The following SRGAP1 variants were observed in gnomAD, a reference collection of about 807,000 sequenced individuals.
SRGAP1 encodes the protein SLIT-ROBO Rho GTPase-activating protein 1.
In SRGAP1, 43 loss-of-function variants were observed where a neutral mutation model predicts 121.9. That is an observed-to-expected ratio of 0.35 (90% CI 0.28 to 0.46). The LOEUF (loss-of-function observed/expected upper bound fraction) is 0.46. SRGAP1 is among the 20% of genes least tolerant of loss of function. The pLI, the probability that SRGAP1 is intolerant of heterozygous loss-of-function variation, is 1.00. For synonymous variants in SRGAP1, 447 were observed against 485.4 expected (o/e 0.92, Z 1.04); for missense variants, 1,102 against 1,350.9 (o/e 0.82, Z 2.89).
rs372859165 is a variant in SRGAP1, at chr12:64,065,124, C to G, written c.1030C>G (p.Gln344Glu). 1.2e-5 allele frequency: 19 copies of G among 1,612,244 alleles called. No homozygotes were observed. In the African/African-American group the frequency reaches 2.3e-4, roughly 19 times the overall value. Residue 344 changes from glutamine to glutamate, a missense_variant, in exon 8 of 22, where the codon CAG becomes GAG. Physicochemically the swap from Gln to Glu is conservative, Grantham distance 29. Transcript: ENST00000355086. ...GTTTCTCATTCTCCATCAGGTGTGC[C>G]AGGTCAGTGCCCAGCAGCCAGTCCA... is the stretch of plus-strand genomic sequence containing the variant. ...FQSHMGDEVC[Q>E]VSAQQPVQAE... is the part of the protein sequence containing the mutation.
chr12:64,097,549 G>T, intron 15 of SRGAP1, 174 bp downstream of exon 15: 1 of 657,786 alleles, frequency 1.5e-6, no homozygotes, highest in Non-Finnish European at 2.4e-6. Flanking sequence ...TCCCAGCTGT[G>T]GCCTCACCCT....
intron 1 of SRGAP1, among the ~76,000 whole-genome samples, chr12:63,958,751 T>C (rs2032549056): frequency 6.6e-6 from 1 of 152,234 alleles, no homozygotes; most frequent in African/African-American, 2.4e-5. Context: ...GAATTGAAAT[T>C]AAGTCCTAAA....
At chr12:63,948,181 G>A (rs895529258) in intron 1 of SRGAP1, among the ~76,000 whole-genome samples, 1 of 152,058 alleles carries the variant, frequency 6.6e-6, no homozygotes. Context: ...AGCAACAGTG[G>A]AAAAGACCTG....
chr12:63,968,805 A>G (rs2032853450), intron 1 of SRGAP1, among the ~76,000 whole-genome samples: 1 of 152,248 alleles, frequency 6.6e-6, no homozygotes, highest in South Asian at 2.1e-4. Context: ...GCCCTAGTCT[A>G]GGAGACTGGG....
intron 5 of SRGAP1, 69 bp downstream of exon 5, chr12:64,043,041 T>C (rs1274255709): frequency 2.9e-6 from 3 of 1,029,620 alleles, no homozygotes; most frequent in African/African-American, 3.2e-5. Flanking sequence ...ACTGATGCAA[T>C]AGCTGATATC....
intron 1 of SRGAP1, among the ~76,000 whole-genome samples, chr12:63,927,283 A>G (rs1439945509): frequency 1.3e-5 from 2 of 152,080 alleles, no homozygotes; most frequent in African/African-American, 2.4e-5. Flanking sequence ...CTACACCTCA[A>G]ACTTTACAAG....
At chr12:63,849,313 A>G (rs1899000922) in intron 1 of SRGAP1, among the ~76,000 whole-genome samples, 1 of 152,244 alleles carries the variant, frequency 6.6e-6, no homozygotes. Flanking sequence ...TAATTCTTGT[A>G]TTCTGCAGCA....
chr12:64,035,225 T>TC, intron 4 of SRGAP1, among the ~76,000 whole-genome samples: 1 of 152,250 alleles, frequency 6.6e-6, no homozygotes, highest in East Asian at 1.9e-4. Context: ...TCCATTTTTT[T>TC]CTCTCCCTAA....
chr12:63,979,214 A>AT (rs1380571114), intron 1 of SRGAP1, among the ~76,000 whole-genome samples: 1 of 151,596 alleles, frequency 6.6e-6, no homozygotes, highest in African/African-American at 2.4e-5. Context: ...TAATTTTTGT[A>AT]TTTTTAGTAG....
intron 3 of SRGAP1, among the ~76,000 whole-genome samples, chr12:64,008,975 T>C (rs935272535): frequency 6.6e-6 from 1 of 152,236 alleles, no homozygotes; most frequent in African/African-American, 2.4e-5. Context: ...TGTGAGCTTT[T>C]GGTCACACCA....
intron 21 of SRGAP1, among the ~76,000 whole-genome samples, chr12:64,137,961 A>AAAAAATATATAT (rs372355390): frequency 7.2e-6 from 1 of 139,684 alleles, no homozygotes; most frequent in African/African-American, 2.7e-5. Flanking sequence ...TTAAAAAAAA[A>AAAAAATATATAT]ATATATATAT....
intron 1 of SRGAP1, among the ~76,000 whole-genome samples, chr12:63,925,405 T>G (rs2031221333): frequency 6.6e-6 from 1 of 152,174 alleles, no homozygotes; most frequent in African/African-American, 2.4e-5. Context: ...TTGAGGAAAA[T>G]TGTTAATAGT....
chr12:64,062,054 TGCTGAGTCA>T (rs1301668773), intron 6 of SRGAP1, among the ~76,000 whole-genome samples: 2 of 152,114 alleles, frequency 1.3e-5, no homozygotes, highest in Admixed American at 1.3e-4. Context: ...GGAGCAGATT[TGCTGAGTCA>T]TATGGTAACT....
chr12:64,063,212 C>T (rs565428638), intron 7 of SRGAP1, 74 bp downstream of exon 7: 9 of 1,316,322 alleles, frequency 6.8e-6, no homozygotes, highest in Non-Finnish European at 9.6e-6. Context: ...TATAATCTAA[C>T]AGTTGTAATA....
At position 64,143,323 on chromosome 12, in the gene SRGAP1, G is replaced by A. The variant is rs2036998888; in HGVS notation, c.*651G>A. On this transcript the variant is annotated 3_prime_UTR_variant, in exon 22 of 22. Coordinates refer to ENST00000355086, the MANE Select transcript of SRGAP1 (RefSeq NM_020762.4). ...GGTAGAACCTCTGCTGTTACTGCTT[G>A]AACTTAACCTGGGAAAGGAGAGGAA... is the stretch of plus-strand genomic sequence containing the variant. 2 of 152,322 alleles carry A rather than the reference G, an allele frequency of 1.3e-5. No individual in the cohort carries two copies. Among genetic ancestry groups the A allele is most frequent in the South Asian group, 4.1e-4 (2 of 4,820 alleles). 9.4% of individuals were successfully genotyped at this position (152,322 alleles called of 1,614,324 possible).
chr12:63,918,192 C>T (rs1235585679), intron 1 of SRGAP1, among the ~76,000 whole-genome samples: 2 of 152,140 alleles, frequency 1.3e-5, no homozygotes, highest in Non-Finnish European at 2.9e-5. Context: ...ATTACACTGT[C>T]GTTGTGCAAG....
intron 1 of SRGAP1, among the ~76,000 whole-genome samples, chr12:63,948,847 A>ATATATATATTCCATATATATG (rs2032140874): frequency 1.6e-5 from 2 of 121,706 alleles, no homozygotes; most frequent in African/African-American, 3.0e-5. Flanking sequence ...CCATATATAT[A>ATATATATATTCCATATATATG]TTTTCCATAT....
At chr12:63,985,928 G>C (rs113491045) in intron 2 of SRGAP1, among the ~76,000 whole-genome samples, 103 of 152,318 alleles carry the variant, frequency 6.8e-4, no homozygotes, top group African/African-American at 2.2e-3. Flanking sequence ...TGGCTTTGCA[G>C]TTCCGTTCAT....
intron 1 of SRGAP1, among the ~76,000 whole-genome samples, chr12:63,891,644 A>G (rs1294902906): frequency 1.3e-5 from 2 of 152,176 alleles, no homozygotes; most frequent in Admixed American, 6.5e-5. Context: ...ACATATTAGT[A>G]TATTCAGTAA....
Sources: allele counts gnomAD v4.1 joint callset (sites outside exome capture counted in the v4.1 genomes callset), GRCh38; gene constraint gnomAD v4.1.1; transcripts MANE v1.5; gene names NCBI Gene and HGNC (gene_info 2026-07-23, HGNC 2026-07-21).